Variants in TMEM179B observed in about 807,000 individuals in gnomAD.
TMEM179B encodes transmembrane protein 179B.
A neutral mutation model predicts 18.0 loss-of-function variants in TMEM179B; 13 were observed. That is an observed-to-expected ratio of 0.72 (90% CI 0.47 to 1.15). The LOEUF is 1.15. Ranked by LOEUF, TMEM179B falls within the 50% of genes most tolerant of loss-of-function variation. The pLI is 0.00. For synonymous variants in TMEM179B, 159 were observed against 117.5 expected (o/e 1.35, Z -2.29); for missense variants, 320 against 270.6 (o/e 1.18, Z -1.28).
rs2084338464 is a variant in TMEM179B at position 62,789,919 on chromosome 11, G to C, written c.532G>C (p.Val178Leu). Reference protein sequence around the residue: ...SSWVNLVLWCVVLVLQVVQWK... With the variant: ...SSWVNLVLWCLVLVLQVVQWK... ...TTGGGTGAATTTGGTATTGTGGTGT[G>C]TGGTCTTGGTGCTCCAGGTCGTGCA... Residue 178 changes from valine (V) to leucine (L), a missense_variant, in exon 5 of 5, where the codon GTG becomes CTG. Physicochemically the swap from Val to Leu is conservative, Grantham distance 32. Coordinates refer to ENST00000333449, the MANE Select transcript of TMEM179B (RefSeq NM_199337.3). 6.2e-7 allele frequency: 1 copy of C among 1,614,132 alleles called. No homozygotes were observed. The highest frequency in any genetic ancestry group is 8.5e-7 in the Non-Finnish European group (1 of 1,180,008).
In TMEM179B at chr11:62,789,327, C is replaced by T. The variant is rs1239620437; in HGVS notation, c.320C>T (p.Ser107Leu). Residue 107 changes from serine to leucine, a missense_variant, in exon 3 of 5, where the codon TCA becomes TTA. Coordinates refer to ENST00000333449, the MANE Select transcript of TMEM179B (RefSeq NM_199337.3). ...GGGCTGCGCATTGCACTGGCCATCT[C>T]AGCTATAGCCGTCTTCCTGGTCTTG... ...AIGLRIALAI[S>L]AIAVFLVLVS... 1 of 1,613,948 alleles carries T rather than the reference C, an allele frequency of 6.2e-7. No individual in the cohort carries two copies. The highest frequency in any genetic ancestry group is 2.2e-5 in the East Asian group (1 of 44,894).
chr11:62,790,116 G>A lies in TMEM179B; in HGVS notation c.*69G>A, dbSNP rs1335689519. 1 of 1,471,320 alleles carries A rather than the reference G, an allele frequency of 6.8e-7. No homozygotes were observed. Among genetic ancestry groups the A allele is most frequent in the East Asian group, 2.4e-5 (1 of 41,584 alleles). 91.1% of individuals were successfully genotyped at this position (1,471,320 alleles called of 1,614,324 possible). On this transcript the variant is annotated 3_prime_UTR_variant, in exon 5 of 5. Transcript: ENST00000333449. ...AGTGCCTGTAATCCCCCCCCTCAAG[G>A]CCCTGTTTATGTTGGGAGTCTTAGT... is the stretch of plus-strand genomic sequence containing the variant.
Position 62,790,112 on chromosome 11 carries a change from C to T in TMEM179B, c.*65C>T. 2.0e-6 allele frequency: 3 copies of T among 1,477,542 alleles called. No individual in the cohort carries two copies. The highest frequency in any genetic ancestry group is 1.4e-5 in the South Asian group (1 of 72,226). 91.5% of individuals were successfully genotyped at this position (1,477,542 alleles called of 1,614,324 possible). ...CCCAAGTGCCTGTAATCCCCCCCCTCAAGGCCCTGTTTATGTTGGGAGTCT... is the reference window on the plus strand; with the variant it reads ...CCCAAGTGCCTGTAATCCCCCCCCTTAAGGCCCTGTTTATGTTGGGAGTCT... On this transcript the variant is annotated 3_prime_UTR_variant, in exon 5 of 5. Transcript: ENST00000333449.
chr11:62,789,543 G>A (rs994845641), intron 3 of TMEM179B, 58 bp from the exon 4 acceptor site: 50 of 1,565,310 alleles, frequency 3.2e-5, no homozygotes, highest in Non-Finnish European at 4.3e-5. Flanking sequence ...ACTGGGCACA[G>A]GTGTGCCTCG....
rs537245629 is a variant in TMEM179B, at chr11:62,789,863, G to A, written c.499-23G>A. 1.1e-5 allele frequency: 17 copies of A among 1,606,930 alleles called. No homozygotes were observed. The Admixed American group carries it at 1.4e-4, about 13-fold the overall frequency. Reference sequence around the variant, plus strand: ...GATTTGAAATGGTCCCACTCCTGACGATCCTGTCCCTGTCTCCTACAGACC... The same window carrying A: ...GATTTGAAATGGTCCCACTCCTGACAATCCTGTCCCTGTCTCCTACAGACC... On this transcript the variant is annotated intron_variant, in intron 4 of 4. Transcript: ENST00000333449.
Position 62,789,959 on chromosome 11 carries a change from C to T in TMEM179B, c.572C>T (p.Ala191Val), listed in dbSNP as rs2084338935. 6.2e-7 allele frequency: 1 copy of T among 1,613,970 alleles called. No individual in the cohort carries two copies. Reference protein sequence around the residue: ...VLQVVQWKSEATPYRPLERGD... With the variant: ...VLQVVQWKSEVTPYRPLERGD... Reference sequence around the variant, plus strand: ...CAGGTCGTGCAGTGGAAGTCTGAAGCCACCCCATACCGGCCTCTGGAGAGG... The same window carrying T: ...CAGGTCGTGCAGTGGAAGTCTGAAGTCACCCCATACCGGCCTCTGGAGAGG... The change falls in exon 5 of 5, where the codon GCC becomes GTC. Residue 191 changes from alanine (A) to valine (V), a missense_variant. Transcript: ENST00000333449.
At chr11:62,788,452 C>T (rs1018967410) in intron 1 of TMEM179B, among the ~76,000 whole-genome samples, 1 of 152,088 alleles carries the variant, frequency 6.6e-6, no homozygotes, top group Non-Finnish European at 1.5e-5. Flanking sequence ...CGCCTGTAAT[C>T]CCAGCACTTT....
In TMEM179B at chr11:62,787,420, G is replaced by C. The variant is rs1226607562; in HGVS notation, c.-12G>C. On this transcript the variant is annotated 5_prime_UTR_variant, in exon 1 of 5. Transcript: ENST00000333449. ...TGCTGCTGCAGCGGCGCTTCCTGGTGGTCAGGGCGCCATGGCGCTGTCCTG... is the reference window on the plus strand; with the variant it reads ...TGCTGCTGCAGCGGCGCTTCCTGGTCGTCAGGGCGCCATGGCGCTGTCCTG... The C allele has an allele frequency of 5.1e-6, 8 of 1,558,504 alleles. No homozygotes were observed. The highest frequency in any genetic ancestry group is 1.9e-5 in the Admixed American group (1 of 53,594).
chr11:62,788,196 A>C (rs1021812532), intron 1 of TMEM179B, among the ~76,000 whole-genome samples: 1 of 151,960 alleles, frequency 6.6e-6, no homozygotes, highest in African/African-American at 2.4e-5. Context: ...TGAGGTCAGG[A>C]GTTCGAGACC....
At chr11:62,789,546 G>A in intron 3 of TMEM179B, 55 bp from the exon 4 acceptor site, 1 of 1,566,992 alleles carries the variant, frequency 6.4e-7, no homozygotes, top group Non-Finnish European at 8.7e-7. Context: ...GGGCACAGGT[G>A]TGCCTCGGAT....
chr11:62,787,572 T>G (rs1590941638), intron 1 of TMEM179B, 45 bp downstream of exon 1: 1 of 1,492,668 alleles, frequency 6.7e-7, no homozygotes, highest in Non-Finnish European at 8.9e-7. Flanking sequence ...AGCTGGCCGG[T>G]CTGGACATGG....
intron 1 of TMEM179B, among the ~76,000 whole-genome samples, chr11:62,788,814 C>G (rs969242310): frequency 6.6e-6 from 1 of 152,154 alleles, no homozygotes; most frequent in Non-Finnish European, 1.5e-5. Context: ...ATATTCATTG[C>G]CTATTTTCTG....
chr11:62,787,951 G>A (rs1332818071), intron 1 of TMEM179B: 1 of 481,848 alleles, frequency 2.1e-6, no homozygotes, highest in Admixed American at 2.3e-5. Flanking sequence ...AGCACAGTGT[G>A]TTAAATGACA....
intron 1 of TMEM179B, chr11:62,788,053 G>T: frequency 2.2e-6 from 1 of 453,706 alleles, no homozygotes; most frequent in Non-Finnish European, 4.4e-6. Flanking sequence ...ATAAACATGG[G>T]TTCATTTAAT....
At position 62,789,367 on chromosome 11, in the gene TMEM179B, C is replaced by G. The variant is rs2084331397; in HGVS notation, c.360C>G (p.Ile120Met). The change falls in exon 3 of 5, where the codon ATC becomes ATG. Residue 120 changes from isoleucine to methionine, a missense_variant. By Grantham distance (10) the Ile-to-Met change is conservative (BLOSUM62 1). Transcript: ENST00000333449. ...AVFLVLVSAC[I>M]LRFGTRSLCN... ...TCCTGGTCTTGGTGTCTGCCTGTAT[C>G]CTTCGATTTGGCACCAGGTCTCTCT... is the stretch of plus-strand genomic sequence containing the variant. 6.2e-7 allele frequency: 1 copy of G among 1,613,866 alleles called. No homozygotes were observed. Among genetic ancestry groups the G allele is most frequent in the Admixed American group, 1.7e-5 (1 of 59,976 alleles).
chr11:62,789,939 CGTGCA>C lies in TMEM179B; in HGVS notation c.556_560del (p.Gln186GlufsTer3). 1 of 1,614,032 alleles carries C rather than the reference CGTGCA, an allele frequency of 6.2e-7. No individual in the cohort carries two copies. The highest frequency in any genetic ancestry group is 8.5e-7 in the Non-Finnish European group (1 of 1,179,994). Reference sequence around the variant, plus strand: ...GGTGTGTGGTCTTGGTGCTCCAGGTCGTGCAGTGGAAGTCTGAAGCCACCCCATAC... The same window carrying C: ...GGTGTGTGGTCTTGGTGCTCCAGGTCGTGGAAGTCTGAAGCCACCCCATAC... On this transcript the variant is annotated frameshift_variant, in exon 5 of 5. Transcript: ENST00000333449. LOFTEE classifies it low-confidence loss of function (END_TRUNC).
At chr11:62,787,559 G>C in intron 1 of TMEM179B, 32 bp downstream of exon 1, 1 of 1,516,110 alleles carries the variant, frequency 6.6e-7, no homozygotes, top group South Asian at 1.2e-5. Context: ...AGGTAGGCGG[G>C]GGAGCTGGCC....
chr11:62,789,900 G>C lies in TMEM179B; in HGVS notation c.513G>C (p.Val171=), dbSNP rs764312648. 6.2e-7 allele frequency: 1 copy of C among 1,613,824 alleles called. No homozygotes were observed. The highest frequency in any genetic ancestry group is 1.1e-5 in the South Asian group (1 of 91,036). The change falls in exon 5 of 5, where the codon GTG becomes GTC. Residue 171 remains valine, a synonymous_variant. Transcript: ENST00000333449. The part of the protein sequence containing the change: ...NLHNAETSSW[V]NLVLWCVVLV... ...GTCTCCTACAGACCTCTTCTTGGGT[G>C]AATTTGGTATTGTGGTGTGTGGTCT...
At chr11:62,787,573 C>A in intron 1 of TMEM179B, 46 bp downstream of exon 1, 1 of 1,487,636 alleles carries the variant, frequency 6.7e-7, no homozygotes, top group Non-Finnish European at 8.9e-7. Flanking sequence ...GCTGGCCGGT[C>A]TGGACATGGC....
Sources: gnomAD v4.1 joint callset for allele counts (sites outside exome capture counted in the v4.1 genomes callset) on GRCh38, gnomAD v4.1.1 for gene constraint, MANE v1.5 for transcripts, NCBI Gene and HGNC (gene_info 2026-07-23, HGNC 2026-07-21) for gene names.